Variants in CCS observed in about 807,000 individuals in gnomAD.
The protein encoded by CCS is superoxide dismutase copper chaperone.
In CCS, 32 loss-of-function variants were observed where a neutral mutation model predicts 35.5. That is an observed-to-expected ratio of 0.90 (90% confidence interval 0.68 to 1.21). The LOEUF (loss-of-function observed/expected upper bound fraction) is 1.21, where lower values mean the gene tolerates loss of function less well. Among genes scored for constraint, CCS ranks in the 50% most tolerant of loss-of-function variants. The pLI is 0.00. For missense variants in CCS, 342 were observed against 375.4 expected (o/e 0.91, Z 0.73); for synonymous variants, 130 against 147.2 (o/e 0.88, Z 0.84).
intron 2 of CCS, among the ~76,000 whole-genome samples, chr11:66,594,728 T>A (rs1387669566): frequency 6.8e-6 from 1 of 146,712 alleles, no homozygotes; most frequent in East Asian, 2.0e-4. Flanking sequence ...GTGAGTTGGA[T>A]CGCTCCACTG....
intron 1 of CCS, 137 bp from the exon 2 acceptor site, chr11:66,593,505 A>G: frequency 1.0e-6 from 1 of 999,520 alleles, no homozygotes; most frequent in Admixed American, 2.1e-5. Flanking sequence ...ATGAGAGATC[A>G]TGAAGAAGGT....
chr11:66,594,673 G>T (rs1315924912), intron 2 of CCS, among the ~76,000 whole-genome samples: 1 of 151,958 alleles, frequency 6.6e-6, no homozygotes, highest in Non-Finnish European at 1.5e-5. Flanking sequence ...CTACTGGGGA[G>T]GCCAAAGCAG....
Position 66,599,474 on chromosome 11 carries a change from C to A in CCS, c.266C>A (p.Ala89Glu). ...TACCTTGCAGAGAATCTGGGGGCAG[C>A]AGTGGCCATCCTGGGGGGGCCTGGC... is the stretch of plus-strand genomic sequence containing the variant. ...GSGQLQNLGA[A>E]VAILGGPGTV... is the part of the protein sequence containing the mutation. The change falls in exon 4 of 8, where the codon GCA (alanine) becomes GAA (glutamate). Residue 89 changes from alanine (A) to glutamate (E), a missense_variant. Coordinates refer to ENST00000533244, the MANE Select transcript of CCS (RefSeq NM_005125.2). 1.3e-6 allele frequency: 2 copies of A among 1,538,418 alleles called. No individual in the cohort carries two copies. Among genetic ancestry groups the A allele is most frequent in the Non-Finnish European group, 1.7e-6 (2 of 1,146,682 alleles).
chr11:66,604,021 T>G (rs1858612070), intron 5 of CCS, among the ~76,000 whole-genome samples: 1 of 150,506 alleles, frequency 6.6e-6, no homozygotes, highest in Admixed American at 6.7e-5. Context: ...AGAGTGAGAC[T>G]CTGTCTCAAT....
rs140920411 is a variant in CCS at position 66,599,244 on chromosome 11, G to A, written c.241G>A (p.Gly81Ser). 97 of 1,604,144 alleles carry A rather than the reference G, an allele frequency of 6.0e-5. No homozygotes were observed. The African/African-American group carries it at 6.7e-4, about 11-fold the overall frequency. The change falls in exon 3 of 8, where the codon GGC becomes AGC. Residue 81 changes from glycine to serine, a missense_variant. Transcript: ENST00000533244. ...RQAVLKGMGSGQLQNLGAAVA... is the reference protein window; with the variant it reads ...RQAVLKGMGSSQLQNLGAAVA... ...GGCGGTACTCAAGGGCATGGGCAGC[G>A]GCCAGTTGCGTGAGTGACCACTGTG...
chr11:66,603,063 G>A (rs1858595215), intron 5 of CCS, among the ~76,000 whole-genome samples: 1 of 152,230 alleles, frequency 6.6e-6, no homozygotes, highest in Non-Finnish European at 1.5e-5. Flanking sequence ...GAAGCCTGGA[G>A]TAACCAGGCC....
intron 5 of CCS, among the ~76,000 whole-genome samples, chr11:66,601,224 C>G (rs1238446989): frequency 6.6e-6 from 1 of 152,170 alleles, no homozygotes; most frequent in Non-Finnish European, 1.5e-5. Context: ...TCCCTAATAG[C>G]TGGGACTACA....
intron 2 of CCS, among the ~76,000 whole-genome samples, chr11:66,598,808 TA>T (rs919649477): frequency 4.1e-5 from 6 of 148,054 alleles, no homozygotes; most frequent in South Asian, 2.2e-4. Flanking sequence ...ATAGCCCACT[TA>T]AAAAAAAAAC....
chr11:66,593,776 T>C, intron 2 of CCS, 62 bp downstream of exon 2: 1 of 1,466,060 alleles, frequency 6.8e-7, no homozygotes, highest in Non-Finnish European at 9.5e-7. Context: ...ACCAGGCGAA[T>C]CTATTAGGCG....
At chr11:66,603,317 G>A (rs1340248947) in intron 5 of CCS, among the ~76,000 whole-genome samples, 1 of 152,254 alleles carries the variant, frequency 6.6e-6, no homozygotes, top group Non-Finnish European at 1.5e-5. Flanking sequence ...GCTCACGCCT[G>A]CAACCCTAGC....
intron 2 of CCS, among the ~76,000 whole-genome samples, chr11:66,598,241 C>G (rs1026506663): frequency 2.6e-5 from 4 of 151,944 alleles, no homozygotes; most frequent in African/African-American, 7.2e-5. Context: ...ATGGCTCATG[C>G]CTGTAATCTC....
chr11:66,604,228 T>C (rs1194700942), intron 5 of CCS, among the ~76,000 whole-genome samples: 1 of 151,806 alleles, frequency 6.6e-6, no homozygotes, highest in Admixed American at 6.6e-5. Flanking sequence ...AGACTTTGTA[T>C]CAAAACAAAA....
chr11:66,599,369 A>G, intron 3 of CCS, 90 bp from the exon 4 acceptor site: 1 of 1,495,198 alleles, frequency 6.7e-7, no homozygotes, highest in Admixed American at 2.4e-5. Context: ...AAGGTGTGAA[A>G]ATTATGTGAG....
rs1448977810 is a variant in CCS, at chr11:66,599,159, G to C, written c.156G>C (p.Leu52Phe). 5.6e-6 allele frequency: 9 copies of C among 1,614,090 alleles called. No individual in the cohort carries two copies. The East Asian group carries it at 2.0e-4, about 36-fold the overall frequency. Residue 52 changes from leucine (L) to phenylalanine (F), a missense_variant, in exon 3 of 8, where the codon TTG becomes TTC. Transcript: ENST00000533244. ...TGCACTTGGAGGACCAGATGGTCTT[G>C]GTACACACCACTCTACCCAGCCAGG... ...VEVHLEDQMV[L>F]VHTTLPSQEV...
At chr11:66,596,918 A>C (rs970929067) in intron 2 of CCS, among the ~76,000 whole-genome samples, 1 of 152,212 alleles carries the variant, frequency 6.6e-6, no homozygotes, top group Non-Finnish European at 1.5e-5. Flanking sequence ...GCTAGGCTGC[A>C]TGGTCAGAGG....
At chr11:66,598,219 C>T (rs1858511097) in intron 2 of CCS, among the ~76,000 whole-genome samples, 1 of 151,932 alleles carries the variant, frequency 6.6e-6, no homozygotes, top group Non-Finnish European at 1.5e-5. Flanking sequence ...TCCTAGGCCA[C>T]AGCCAGGCGT....
At position 66,593,715 on chromosome 11, in the gene CCS, G is replaced by C. The variant is rs1858424578; in HGVS notation, c.112+1G>C. 6.2e-7 allele frequency: 1 copy of C among 1,614,072 alleles called. No homozygotes were observed. On this transcript the variant is annotated splice_donor_variant, in intron 2 of 7. Transcript: ENST00000533244. LOFTEE classifies it high-confidence loss of function. ...CGCAAATCCCTGCAAGGGGTGGCAG[G>C]TAAGAACAGGGTAAACTTTTCTGCA...
intron 4 of CCS, 29 bp from the exon 5 acceptor site, chr11:66,600,460 C>T (rs1290538156): frequency 1.4e-6 from 2 of 1,461,714 alleles, no homozygotes. Flanking sequence ...GAGCTGCTTT[C>T]CTGCCCACCT....
At chr11:66,603,824 C>T (rs1042145745) in intron 5 of CCS, among the ~76,000 whole-genome samples, 6 of 151,822 alleles carry the variant, frequency 4.0e-5, no homozygotes, top group Non-Finnish European at 7.4e-5. Flanking sequence ...CCAGCCTGGG[C>T]GACAGAGCAA....
Sources: gnomAD v4.1 joint callset for allele counts (sites outside exome capture counted in the v4.1 genomes callset) on GRCh38, gnomAD v4.1.1 for gene constraint, MANE v1.5 for transcripts, NCBI Gene and HGNC (gene_info 2026-07-23, HGNC 2026-07-21) for gene names.